The following TMPRSS7 variants were observed in gnomAD, a reference collection of about 807,000 sequenced individuals.
The protein encoded by TMPRSS7 is transmembrane serine protease 7.
TMPRSS7 carries 81 observed loss-of-function variants against 95.6 expected under a neutral mutation model. The observed-to-expected ratio is 0.85, with a 90% CI of 0.71 to 1.02. The LOEUF is 1.02. TMPRSS7 is among the 50% of genes least tolerant of loss of function. The pLI is 0.00. For synonymous variants in TMPRSS7, 364 were observed against 337.8 expected, an observed-to-expected ratio of 1.08 and a Z score of -0.85; for missense variants, 945 against 955.2, an observed-to-expected ratio of 0.99 and a Z score of 0.14.
intron 3 of TMPRSS7, 62 bp downstream of exon 3, chr3:112,042,112 A>T: frequency 7.2e-7 from 1 of 1,383,298 alleles, no homozygotes; most frequent in Non-Finnish European, 1.0e-6. Context: ...TGGGGGATGA[A>T]GCTGGAGGGG....
intron 13 of TMPRSS7, among the ~76,000 whole-genome samples, 199 bp downstream of exon 13, chr3:112,066,701 C>T (rs570476042): frequency 3.9e-5 from 6 of 152,094 alleles, no homozygotes; most frequent in African/African-American, 7.2e-5. Context: ...CAGTTGGTCA[C>T]TCTAAATGGA....
chr3:112,064,923 A>C (rs1043602875), intron 12 of TMPRSS7, among the ~76,000 whole-genome samples: 1 of 152,246 alleles, frequency 6.6e-6, no homozygotes, highest in Admixed American at 6.5e-5. Flanking sequence ...TTTAAATCAA[A>C]TACAGTTACA....
intron 16 of TMPRSS7, 47 bp downstream of exon 16, chr3:112,077,191 T>C (rs2073722406): frequency 6.3e-7 from 1 of 1,592,994 alleles, no homozygotes; most frequent in African/African-American, 1.3e-5. Context: ...CAGAGGATGA[T>C]AAGGTGTTTA....
chr3:112,048,475 C>G (rs1443502158), intron 7 of TMPRSS7, among the ~76,000 whole-genome samples: 1 of 152,132 alleles, frequency 6.6e-6, no homozygotes, highest in East Asian at 1.9e-4. Context: ...TCCTTTCATT[C>G]ATGTATGTGT....
At chr3:112,038,669 C>T (rs1348628083) in intron 2 of TMPRSS7, among the ~76,000 whole-genome samples, 1 of 152,110 alleles carries the variant, frequency 6.6e-6, no homozygotes, top group African/African-American at 2.4e-5. Flanking sequence ...GTTGTAGAGA[C>T]AGAGTTCTCA....
At chr3:112,051,519 C>A (rs1053264135) in intron 9 of TMPRSS7, among the ~76,000 whole-genome samples, 8 of 1,192 alleles carry the variant, frequency 6.7e-3, no homozygotes, top group African/African-American at 0.015. Context: ...TACGAAATAT[C>A]TATCTATCTA....
intron 5 of TMPRSS7, 129 bp from the exon 6 acceptor site, chr3:112,046,845 A>G: frequency 1.5e-6 from 1 of 647,590 alleles, no homozygotes; most frequent in Non-Finnish European, 2.8e-6. Context: ...TCACTGGATT[A>G]TTTTAAAGTA....
At chr3:112,063,659 T>A in intron 12 of TMPRSS7, 27 bp downstream of exon 12, 1 of 1,563,090 alleles carries the variant, frequency 6.4e-7, no homozygotes, top group Non-Finnish European at 8.8e-7. Context: ...TTAATATGAC[T>A]TTCTTATGAA....
intron 9 of TMPRSS7, among the ~76,000 whole-genome samples, chr3:112,056,082 C>G (rs1480238363): frequency 8.5e-5 from 13 of 152,088 alleles, no homozygotes; most frequent in Admixed American, 6.5e-4. Context: ...GTGGGCAATG[C>G]TTAAATAAGG....
In TMPRSS7 at chr3:112,069,617, G is replaced by A. The variant is rs565763868; in HGVS notation, c.1666+3115G>A. Reference sequence around the variant, plus strand: ...GATTTTCTAGTTTATTTGCATAGAGGTGTTTATAGTATTCTCTGATGCAGT... The same window carrying A: ...GATTTTCTAGTTTATTTGCATAGAGATGTTTATAGTATTCTCTGATGCAGT... On this transcript the variant is annotated intron_variant, in intron 13 of 17. Coordinates refer to ENST00000452346, the Ensembl canonical transcript of TMPRSS7. Among the ~76,000 whole-genome samples, 54 of 152,312 alleles carry A rather than the reference G, an allele frequency of 3.5e-4. 1 individual carries two copies. In the South Asian group the frequency reaches 9.9e-3, roughly 28 times the overall value.
chr3:112,060,682 G>T lies in TMPRSS7; in HGVS notation c.1311-1105G>T, dbSNP rs557062699. On this transcript the variant is annotated intron_variant, in intron 10 of 17. Coordinates refer to ENST00000452346, the Ensembl canonical transcript of TMPRSS7. The stretch of plus-strand genomic sequence containing the variant: ...TTCCAAGGTGCCCAGATTTCATATT[G>T]TTCAAACACACATGCTCTACAAACA... Among the ~76,000 whole-genome samples, 6 of 152,276 alleles carry T rather than the reference G, an allele frequency of 3.9e-5. No individual in the cohort carries two copies. In the East Asian group the frequency reaches 1.2e-3, roughly 29 times the overall value.
intron 2 of TMPRSS7, among the ~76,000 whole-genome samples, chr3:112,040,528 C>G (rs558977250): frequency 6.6e-6 from 1 of 152,200 alleles, no homozygotes; most frequent in African/African-American, 2.4e-5. Context: ...AGATCTCTGT[C>G]CTTGAGGAAA....
At chr3:112,051,619 C>CA (rs1399047450) in intron 9 of TMPRSS7, among the ~76,000 whole-genome samples, 50 of 131,606 alleles carry the variant, frequency 3.8e-4, no homozygotes, top group Middle Eastern at 3.9e-3. Flanking sequence ...ATCTATCTAT[C>CA]TCTATCATCT....
intron 1 of TMPRSS7, among the ~76,000 whole-genome samples, chr3:112,037,307 G>T (rs1040168937): frequency 2.6e-5 from 4 of 152,144 alleles, no homozygotes; most frequent in African/African-American, 4.8e-5. Context: ...CTCTAAAATG[G>T]CCGTCTAGGA....
At chr3:112,050,533 A>AAAC (rs1390685198) in intron 8 of TMPRSS7, 138 bp from the exon 9 acceptor site, 4 of 370,134 alleles carry the variant, frequency 1.1e-5, no homozygotes, top group Non-Finnish European at 2.0e-5. Flanking sequence ...AAAAAAAAAA[A>AAAC]AAAAACCCAA....
exon 10 of TMPRSS7, chr3:112,057,116 A>G (rs1482468263): frequency 1.9e-6 from 3 of 1,610,386 alleles, no homozygotes; most frequent in Non-Finnish European, 1.7e-6. Flanking sequence ...GGATGGTGGG[A>G]AATTAATGAG....
chr3:112,075,580 T>C (rs2073702324), intron 15 of TMPRSS7, 88 bp downstream of exon 15: 4 of 1,159,414 alleles, frequency 3.5e-6, no homozygotes, highest in South Asian at 3.3e-5. Context: ...CAGATCCCTG[T>C]TGGGGACATT....
chr3:112,038,446 C>G, intron 2 of TMPRSS7, 125 bp downstream of exon 2: 2 of 602,182 alleles, frequency 3.3e-6, no homozygotes, highest in South Asian at 4.1e-5. Flanking sequence ...ATGGATACAC[C>G]ATTTCCAAAA....
intron 17 of TMPRSS7, among the ~76,000 whole-genome samples, chr3:112,080,572 T>TACCACCACCACC (rs3082394): frequency 6.6e-6 from 1 of 150,414 alleles, no homozygotes. Flanking sequence ...CTACTACTAT[T>TACCACCACCACC]ACCACCACCA....
Sources: gnomAD v4.1 joint callset for allele counts (sites outside exome capture counted in the v4.1 genomes callset) on GRCh38, gnomAD v4.1.1 for gene constraint, MANE v1.5 for transcripts, NCBI Gene and HGNC (gene_info 2026-07-23, HGNC 2026-07-21) for gene names.